WDR5: variants seen among roughly 807,000 people sequenced by gnomAD.
The protein encoded by WDR5 is WD repeat-containing protein 5.
For missense variants in WDR5, 187 were observed against 416.9 expected (o/e 0.45, Z 4.80); for synonymous variants, 144 against 161.6 (o/e 0.89, Z 0.83).
rs1381703933 is a variant in WDR5 at position 134,136,737 on chromosome 9, G to T, written c.-59+537G>T. On this transcript the variant is annotated intron_variant, in intron 1 of 13. Coordinates refer to ENST00000358625, the MANE Select transcript of WDR5 (RefSeq NM_017588.3). ...GTAGGCCCACCGTGCCTCCTCGCGC[G>T]GGGCCGCAGACCTGTCCTGGCCGGT... Among the ~76,000 whole-genome samples the T allele has an allele frequency of 2.0e-5, 3 of 152,182 alleles. No individual in the cohort carries two copies. The East Asian group carries it at 5.8e-4, about 29-fold the overall frequency.
intron 9 of WDR5, 123 bp downstream of exon 9, chr9:134,152,152 ACCTT>A: frequency 2.6e-6 from 3 of 1,166,430 alleles, no homozygotes; most frequent in Non-Finnish European, 2.4e-6. Flanking sequence ...TGCAGGAGGA[ACCTT>A]CCTCCGTGTC....
At chr9:134,154,355 T>C in intron 9 of WDR5, 111 bp from the exon 10 acceptor site, 1 of 1,093,848 alleles carries the variant, frequency 9.1e-7, no homozygotes, top group Non-Finnish European at 1.4e-6. Flanking sequence ...CTGATGGTGG[T>C]GGCCGACCTC....
In WDR5 at chr9:134,139,928, A is replaced by G. The variant is rs1831789311; in HGVS notation, c.51A>G (p.Pro17=). Residue 17 remains proline (P), a synonymous_variant, in exon 2 of 14, where the codon CCA becomes CCG. Transcript: ENST00000358625. ...KPETEAARAQ[P]TPSSSATQSK... ...AGACCGAGGCCGCCAGAGCACAGCCAACCCCTTCGTCATCCGCCACTCAGA... is the reference window on the plus strand; with the variant it reads ...AGACCGAGGCCGCCAGAGCACAGCCGACCCCTTCGTCATCCGCCACTCAGA... 1.9e-6 allele frequency: 3 copies of G among 1,613,456 alleles called. No homozygotes were observed. Among genetic ancestry groups the G allele is most frequent in the South Asian group, 1.1e-5 (1 of 91,084 alleles).
chr9:134,156,738 A>G (rs558568544), intron 13 of WDR5, 145 bp downstream of exon 13: 27 of 752,670 alleles, frequency 3.6e-5, no homozygotes, highest in South Asian at 3.3e-4. Context: ...AACCGCTGCT[A>G]AGAGCTCTTG....
chr9:134,155,663 CTG>C (rs772241790), intron 11 of WDR5, 28 bp from the exon 12 acceptor site: 8 of 1,608,200 alleles, frequency 5.0e-6, no homozygotes, highest in East Asian at 2.2e-5. Flanking sequence ...AACCATGACT[CTG>C]TGACCAGCCT....
chr9:134,157,319 AAC>A lies in WDR5; in HGVS notation c.905-571_905-570del, dbSNP rs1832791320. On this transcript the variant is annotated intron_variant, in intron 13 of 13. Transcript: ENST00000358625. This position sits in a 1 kb window ranked among gnomAD's most constrained non-coding sequence, Gnocchi z 5.0. ...TTCTTTGGTTTACGTAGAAGCTGTA[AAC>A]ACTTTGATGTGGCCGACCTTGCACC... 6.6e-6 allele frequency among the ~76,000 whole-genome samples: 1 copy of A among 152,046 alleles called. No individual in the cohort carries two copies. Among genetic ancestry groups the A allele is most frequent in the African/African-American group, 2.4e-5 (1 of 41,434 alleles).
chr9:134,157,565 T>C lies in WDR5; in HGVS notation c.905-328T>C, dbSNP rs1306846021. On this transcript the variant is annotated intron_variant, in intron 13 of 13. Transcript: ENST00000358625. The surrounding 1 kb of genome is among the most constrained non-coding windows in gnomAD (Gnocchi z 5.0). ...TGCGCGCCAGCCTCTGAGCCAGTCC[T>C]GCTGCCGCGCTCCTCCTTGTGGGCG... Among the ~76,000 whole-genome samples the C allele has an allele frequency of 2.0e-5, 3 of 152,174 alleles. No individual in the cohort carries two copies. Among genetic ancestry groups the C allele is most frequent in the Non-Finnish European group, 4.4e-5 (3 of 68,026 alleles).
chr9:134,154,605 C>T (rs1024315192), intron 10 of WDR5, 64 bp downstream of exon 10: 115 of 1,552,642 alleles, frequency 7.4e-5, no homozygotes, highest in South Asian at 8.9e-5. Flanking sequence ...CACCTGCGTG[C>T]CAGCGTGAGC....
chr9:134,150,332 T>A lies in WDR5; in HGVS notation c.585-1651T>A, dbSNP rs1038547589. 8.5e-5 allele frequency among the ~76,000 whole-genome samples: 13 copies of A among 152,338 alleles called. No homozygotes were observed. The East Asian group carries it at 2.1e-3, about 25-fold the overall frequency. ...TAATTCTACCAACAGATTAAAGGCG[T>A]TAAATGTCTCTGTCTGTTATTAATT... On this transcript the variant is annotated intron_variant, in intron 8 of 13. Coordinates refer to ENST00000358625, the MANE Select transcript of WDR5 (RefSeq NM_017588.3).
At position 134,140,849 on chromosome 9, in the gene WDR5, G is replaced by T; in HGVS notation, c.190+38G>T. 5 of 1,585,702 alleles carry T rather than the reference G, an allele frequency of 3.2e-6. No homozygotes were observed. In the South Asian group the frequency reaches 4.4e-5, roughly 14 times the overall value. On this transcript the variant is annotated intron_variant, in intron 3 of 13. Transcript: ENST00000358625. ...GAGGCCCTTAGCTGCTGGGAGAGGC[G>T]GTCTGAGCTGCAGACAAAAAGCTGG...
chr9:134,142,677 G>A lies in WDR5; in HGVS notation c.486G>A (p.Lys162=), dbSNP rs763358234. The change falls in exon 7 of 14, where the codon AAG becomes AAA. Residue 162 remains lysine, a synonymous_variant. Transcript: ENST00000358625. ...SVRIWDVKTG[K]CLKTLPAHSD... is the part of the protein sequence containing the mutation. ...GGATATGGGATGTGAAAACAGGGAA[G>A]TGCCTCAAGACTTTGCCAGCTCACT... 1 of 1,614,082 alleles carries A rather than the reference G, an allele frequency of 6.2e-7. No homozygotes were observed.
upstream of WDR5, chr9:134,135,494 GGCAGCCGGCCCCGCGGGAAGGC>G (rs1831494590): frequency 6.6e-6 from 1 of 152,276 alleles, no homozygotes. Context: ...CCCCCAGCCC[GGCAGCCGGCCCCGCGGGAAGGC>G]GCAGCCCGGG....
At position 134,147,908 on chromosome 9, in the gene WDR5, A is replaced by G. The variant is rs559176353; in HGVS notation, c.529-380A>G. 2.0e-3 allele frequency among the ~76,000 whole-genome samples: 302 copies of G among 152,092 alleles called. 5 individuals are homozygous for G. The highest frequency in any genetic ancestry group is 3.8e-4 in the Non-Finnish European group (26 of 67,970). ...CGGTGCCTCACACCTGTAATCCCGCAGTTTGGGAAGCCAAGGCGGGTGGAT... is the reference window on the plus strand; with the variant it reads ...CGGTGCCTCACACCTGTAATCCCGCGGTTTGGGAAGCCAAGGCGGGTGGAT... On this transcript the variant is annotated intron_variant, in intron 7 of 13. Coordinates refer to ENST00000358625, the MANE Select transcript of WDR5 (RefSeq NM_017588.3).
At chr9:134,155,281 G>GT (rs1283550921) in intron 10 of WDR5, 59 bp from the exon 11 acceptor site, 70 of 1,509,182 alleles carry the variant, frequency 4.6e-5, no homozygotes, top group Non-Finnish European at 5.7e-5. Flanking sequence ...GCAGAGTTGG[G>GT]TGTGGGGACA....
intron 8 of WDR5, among the ~76,000 whole-genome samples, chr9:134,150,027 A>T (rs945777739): frequency 2.6e-5 from 4 of 152,212 alleles, no homozygotes; most frequent in African/African-American, 9.6e-5. Context: ...TCAATAGTGA[A>T]CTTTGAAGCT....
chr9:134,159,744 C>G lies in WDR5; in HGVS notation c.*1751C>G, dbSNP rs986005014. ...CATTTGCAGTCTGTTGTGACAGACA[C>G]GGGGAGCTCCGCGTGCCAGCCTGTG... On this transcript the variant is annotated 3_prime_UTR_variant, in exon 14 of 14. Transcript: ENST00000358625. This position sits in a 1 kb window ranked among gnomAD's most constrained non-coding sequence, Gnocchi z 4.3. 6.6e-6 allele frequency: 1 copy of G among 152,012 alleles called. No individual in the cohort carries two copies. Among genetic ancestry groups the G allele is most frequent in the East Asian group, 1.9e-4 (1 of 5,172 alleles). 9.4% of individuals were successfully genotyped at this position (152,012 alleles called of 1,614,324 possible). A position where few individuals can be genotyped will look rare whatever the true frequency, so the allele number is the denominator to read the frequency against.
At chr9:134,152,412 G>A (rs1034923230) in intron 9 of WDR5, among the ~76,000 whole-genome samples, 1 of 152,190 alleles carries the variant, frequency 6.6e-6, no homozygotes, top group Non-Finnish European at 1.5e-5. Context: ...CCATCTGCTG[G>A]GGGTGCTGCC....
At chr9:134,141,440 G>C in intron 3 of WDR5, 70 bp from the exon 4 acceptor site, 7 of 1,525,710 alleles carry the variant, frequency 4.6e-6, no homozygotes, top group Non-Finnish European at 6.4e-6. Flanking sequence ...GAAAAGCTCA[G>C]ACTTTGGACT....
At chr9:134,137,579 G>T (rs35874066) in intron 1 of WDR5, among the ~76,000 whole-genome samples, 2,975 of 151,518 alleles carry the variant, frequency 0.02, 45 homozygotes, top group Middle Eastern at 0.031. Context: ...GGCTAAACTG[G>T]AGGCTGAGGC....
Sources: gnomAD v4.1 joint callset for allele counts (sites outside exome capture counted in the v4.1 genomes callset) on GRCh38, gnomAD v4.1.1 for gene constraint, Gnocchi (gnomAD v3.1) non-coding constraint, MANE v1.5 for transcripts, NCBI Gene and HGNC (gene_info 2026-07-23, HGNC 2026-07-21) for gene names.